ABHD3: variants seen among roughly 807,000 people sequenced by gnomAD.
ABHD3 encodes the protein phospholipase ABHD3.
A neutral mutation model predicts 48.8 loss-of-function variants in ABHD3; 46 were observed. The observed-to-expected ratio is 0.94, with a 90% CI of 0.74 to 1.20. The LOEUF (loss-of-function observed/expected upper bound fraction) is 1.20, where lower values mean the gene tolerates loss of function less well. Ranked by LOEUF, ABHD3 falls within the 50% of genes most tolerant of loss-of-function variation. The pLI is 0.00. For synonymous variants in ABHD3, 192 were observed against 183.7 expected, an observed-to-expected ratio of 1.04 and a Z score of -0.36; for missense variants, 490 against 497.8, an observed-to-expected ratio of 0.98 and a Z score of 0.15.
At chr18:21,675,002 T>C (rs1196575706) in intron 4 of ABHD3, among the ~76,000 whole-genome samples, 1 of 152,074 alleles carries the variant, frequency 6.6e-6, no homozygotes, top group African/African-American at 2.4e-5. Flanking sequence ...GAAAAGCTAG[T>C]AGAAAACAAA....
At chr18:21,700,837 AAAAAAAAAAAAAT>A (rs1386502246) in intron 3 of ABHD3, among the ~76,000 whole-genome samples, 3 of 141,406 alleles carry the variant, frequency 2.1e-5, no homozygotes, top group African/African-American at 9.2e-5. Context: ...CAAAAAAAAA[AAAAAAAAAAAAAT>A]GGAACCAGGC....
chr18:21,703,784 C>T, intron 1 of ABHD3, 37 bp from the exon 2 acceptor site: 1 of 1,592,418 alleles, frequency 6.3e-7, no homozygotes, highest in Non-Finnish European at 8.6e-7. Context: ...GGGCCCAGAG[C>T]AAAGTTTCTG....
intron 3 of ABHD3, among the ~76,000 whole-genome samples, chr18:21,698,918 C>A (rs1332223783): frequency 6.6e-6 from 1 of 151,122 alleles, no homozygotes; most frequent in African/African-American, 2.4e-5. Flanking sequence ...TTGTGCAGGG[C>A]ACCCAACCAA....
intron 4 of ABHD3, among the ~76,000 whole-genome samples, chr18:21,667,234 CTTTTTTTT>C (rs745430805): frequency 2.0e-4 from 16 of 81,438 alleles, no homozygotes; most frequent in African/African-American, 4.1e-4. Flanking sequence ...CCACCACACC[CTTTTTTTT>C]TTTTTTTTTT....
Position 21,703,675 on chromosome 18 carries a change from T to C in ABHD3, c.235A>G (p.Thr79Ala). The change falls in exon 2 of 9, where the codon ACG becomes GCG. Residue 79 changes from threonine to alanine, a missense_variant. Physicochemically the swap from Thr to Ala is moderately conservative, Grantham distance 58 (BLOSUM62 0). Transcript: ENST00000289119. ...LQDHCPVVTETYYPTVWCWEG... is the reference protein window; with the variant it reads ...LQDHCPVVTEAYYPTVWCWEG... ...CAGCACCAGACCGTCGGGTAGTACG[T>C]TTCTGTAACCACGGGACAGTGGTCT... 1 of 1,614,064 alleles carries C rather than the reference T, an allele frequency of 6.2e-7. No homozygotes were observed. Among genetic ancestry groups the C allele is most frequent in the Non-Finnish European group, 8.5e-7 (1 of 1,180,010 alleles).
Position 21,667,234 on chromosome 18 carries a change from CTTTTTTTTTT to C in ABHD3, c.556-3014_556-3005del, listed in dbSNP as rs745430805. On this transcript the variant is annotated intron_variant, in intron 4 of 8. Transcript: ENST00000289119. ...GATTACAGGCGCCCACCACCACACC[CTTTTTTTTTT>C]TTTTTTTTTTTTTTTTTGAGACGGA... Among the ~76,000 whole-genome samples the C allele has an allele frequency of 9.8e-5, 8 of 81,440 alleles. No individual in the cohort carries two copies. The East Asian group carries it at 2.5e-3, about 26-fold the overall frequency. The allele number at this position is 81,440 out of a possible 152,430, so 53.4% of individuals were successfully genotyped here.
At chr18:21,675,691 TA>T (rs1598533520) in intron 4 of ABHD3, among the ~76,000 whole-genome samples, 1 of 152,060 alleles carries the variant, frequency 6.6e-6, no homozygotes, top group African/African-American at 2.4e-5. Context: ...CTTCTCTCAT[TA>T]AGGAAATATT....
At chr18:21,683,377 G>A (rs1439327230) in intron 4 of ABHD3, 1 of 265,136 alleles carries the variant, frequency 3.8e-6, no homozygotes, top group Non-Finnish European at 8.2e-6. Context: ...TTCCCACCAT[G>A]TAAACTTCAG....
chr18:21,676,755 G>A (rs2039893182), intron 4 of ABHD3, among the ~76,000 whole-genome samples: 1 of 152,108 alleles, frequency 6.6e-6, no homozygotes, highest in African/African-American at 2.4e-5. Context: ...GGTACCCTGA[G>A]GAAAAGAGTT....
At chr18:21,658,233 A>G (rs1310511150) in intron 6 of ABHD3, among the ~76,000 whole-genome samples, 1 of 152,110 alleles carries the variant, frequency 6.6e-6, no homozygotes, top group Non-Finnish European at 1.5e-5. Flanking sequence ...AGAAAAAAAG[A>G]AAATACACAA....
chr18:21,698,856 C>T (rs1476655347), intron 3 of ABHD3, among the ~76,000 whole-genome samples: 6 of 152,210 alleles, frequency 3.9e-5, no homozygotes, highest in Non-Finnish European at 8.8e-5. Context: ...GCTGGGATTA[C>T]AGGCGTCAGC....
chr18:21,654,803 A>AT (rs1291504624), intron 8 of ABHD3: 2 of 152,214 alleles, frequency 1.3e-5, no homozygotes, highest in Non-Finnish European at 2.9e-5. Flanking sequence ...ACTGCAGACA[A>AT]TTGTCCACTA....
intron 4 of ABHD3, among the ~76,000 whole-genome samples, chr18:21,675,469 G>A (rs2146306829): frequency 6.6e-6 from 1 of 151,944 alleles, no homozygotes; most frequent in Non-Finnish European, 1.5e-5. Context: ...GGGTTTCACT[G>A]TGTTAGCCAG....
At position 21,667,536 on chromosome 18, in the gene ABHD3, C is replaced by T. The variant is rs1598522853; in HGVS notation, c.556-3306G>A. Among the ~76,000 whole-genome samples, 3 of 151,984 alleles carry T rather than the reference C, an allele frequency of 2.0e-5. No homozygotes were observed. In the South Asian group the frequency reaches 6.2e-4, roughly 31 times the overall value. ...GATTACAGGCGTGAATCACCGCGCC[C>T]AGCCGAAAATTATAATTTTTAACAA... is the stretch of plus-strand genomic sequence containing the variant. On this transcript the variant is annotated intron_variant, in intron 4 of 8. Transcript: ENST00000289119.
chr18:21,701,122 T>C (rs2040503688), intron 3 of ABHD3, among the ~76,000 whole-genome samples: 2 of 152,170 alleles, frequency 1.3e-5, no homozygotes, highest in South Asian at 4.1e-4. Flanking sequence ...TAGGCTATTA[T>C]TTATAAAAGA....
intron 4 of ABHD3, among the ~76,000 whole-genome samples, chr18:21,665,729 G>A (rs2039607783): frequency 6.6e-6 from 1 of 151,434 alleles, no homozygotes; most frequent in Non-Finnish European, 1.5e-5. Flanking sequence ...GGAGAATGGC[G>A]TGAACCCGGG....
At position 21,657,460 on chromosome 18, in the gene ABHD3, C is replaced by T. The variant is rs112977465; in HGVS notation, c.843-308G>A. Among the ~76,000 whole-genome samples, 118 of 151,934 alleles carry T rather than the reference C, an allele frequency of 7.8e-4. 2 individuals are homozygous for T. Among genetic ancestry groups the T allele is most frequent in the African/African-American group, 2.7e-3 (111 of 41,464 alleles). On this transcript the variant is annotated intron_variant, in intron 6 of 8. Coordinates refer to ENST00000289119, the MANE Select transcript of ABHD3 (RefSeq NM_138340.5). ...GCTTTAGTGATTCTCCCACTTCAGC[C>T]CCAGAGTAGCTGGGACTACAGGTGT... is the stretch of plus-strand genomic sequence containing the variant.
At chr18:21,683,591 A>G in intron 4 of ABHD3, 1 of 496,266 alleles carries the variant, frequency 2.0e-6, no homozygotes, top group Non-Finnish European at 4.1e-6. Context: ...AAAAAAAATG[A>G]TGTAGGTGAA....
intron 4 of ABHD3, among the ~76,000 whole-genome samples, chr18:21,681,757 T>A (rs2046367217): frequency 6.6e-6 from 1 of 152,148 alleles, no homozygotes; most frequent in South Asian, 2.1e-4. Context: ...AGCACATAGA[T>A]CACCTGGGTC....
Sources: gnomAD v4.1 joint callset for allele counts (sites outside exome capture counted in the v4.1 genomes callset) on GRCh38, gnomAD v4.1.1 for gene constraint, MANE v1.5 for transcripts, NCBI Gene and HGNC (gene_info 2026-07-23, HGNC 2026-07-21) for gene names.